The following KTN1 variants were observed in gnomAD, a reference collection of about 807,000 sequenced individuals.
KTN1 encodes the protein kinectin 1, also known as kinectin.
In KTN1, 130 loss-of-function variants were observed where a neutral mutation model predicts 222.5. That is an observed-to-expected ratio of 0.58 (90% CI 0.51 to 0.68). The LOEUF (loss-of-function observed/expected upper bound fraction) is 0.68, where lower values mean the gene tolerates loss of function less well. Among genes scored for constraint, KTN1 ranks in the 30% least tolerant of loss-of-function variants. The pLI is 0.00. For synonymous variants in KTN1, 512 were observed against 496.3 expected (o/e 1.03, Z -0.42); for missense variants, 1,508 against 1,500.4 (o/e 1.01, Z -0.08).
intron 33 of KTN1, 117 bp downstream of exon 33, chr14:55,664,158 A>G (rs2044446792): frequency 3.1e-6 from 2 of 650,760 alleles, no homozygotes; most frequent in Non-Finnish European, 5.2e-6. Flanking sequence ...CTCCTTATCC[A>G]TATTTATCAT....
In KTN1 at chr14:55,618,066, T is replaced by A; in HGVS notation, c.764T>A (p.Leu255His). 1 of 1,613,172 alleles carries A rather than the reference T, an allele frequency of 6.2e-7. No homozygotes were observed. Among genetic ancestry groups the A allele is most frequent in the Non-Finnish European group, 8.5e-7 (1 of 1,179,476 alleles). Residue 255 changes from leucine (L) to histidine (H), a missense_variant, in exon 4 of 44, where the codon CTT becomes CAT. By Grantham distance (99) the Leu-to-His change is moderately conservative. Transcript: ENST00000395314. Reference protein sequence around the residue: ...VVDKREVIDLLKPDQVEGIQK... With the variant: ...VVDKREVIDLHKPDQVEGIQK... ...GATAAGAGAGAGGTTATTGATTTGC[T>A]TAAACCTGACCAAGTAGAAGGGATC...
intron 6 of KTN1, among the ~76,000 whole-genome samples, chr14:55,628,596 C>G (rs1475884969): frequency 1.3e-5 from 2 of 152,088 alleles, no homozygotes; most frequent in African/African-American, 2.4e-5. Context: ...GTTTCTCTTT[C>G]TAGGGATTAA....
chr14:55,625,239 C>T (rs2039655196), intron 5 of KTN1, among the ~76,000 whole-genome samples: 1 of 149,784 alleles, frequency 6.7e-6, no homozygotes, highest in Non-Finnish European at 1.5e-5. Flanking sequence ...AATGCTAGTG[C>T]ATGTTAGGTG....
chr14:55,682,965 AT>A (rs1595365798), intron 43 of KTN1: 1 of 152,248 alleles, frequency 6.6e-6, no homozygotes, highest in East Asian at 1.9e-4. Flanking sequence ...TTACAGTAGT[AT>A]CCAGAAGAAA....
At chr14:55,657,544 CT>C in intron 29 of KTN1, among the ~76,000 whole-genome samples, 1 of 151,956 alleles carries the variant, frequency 6.6e-6, no homozygotes, top group East Asian at 1.9e-4. Flanking sequence ...AAATTTGAAA[CT>C]TTTATGTACT....
At chr14:55,659,724 A>G (rs1438069224) in intron 31 of KTN1, 21 bp downstream of exon 31, 10 of 1,374,736 alleles carry the variant, frequency 7.3e-6, no homozygotes, top group Non-Finnish European at 9.3e-6. Context: ...AGTTTGAGTC[A>G]CAGTTTATAA....
At chr14:55,589,768 C>T (rs1594701942) in intron 1 of KTN1, among the ~76,000 whole-genome samples, 2 of 146,978 alleles carry the variant, frequency 1.4e-5, no homozygotes, top group East Asian at 4.2e-4. Context: ...AAGTGATTCT[C>T]CTGCCTCAAC....
rs1279283853 is a variant in KTN1 at position 55,653,032 on chromosome 14, A to G, written c.2710A>G (p.Asn904Asp). The change falls in exon 27 of 44, where the codon AAT becomes GAT. Residue 904 changes from asparagine to aspartate, a missense_variant. Coordinates refer to ENST00000395314, the MANE Select transcript of KTN1 (RefSeq NM_001079521.2). ...TCTTTTTAAGGATCTTCAAGAAGAA[A>G]ATGAATCTTTAAAAGCACATGTTCA... Reference protein sequence around the residue: ...GKWLQDLQEENESLKAHVQEV... With the variant: ...GKWLQDLQEEDESLKAHVQEV... 1.2e-6 allele frequency: 2 copies of G among 1,605,754 alleles called. No individual in the cohort carries two copies. The highest frequency in any genetic ancestry group is 1.7e-6 in the Non-Finnish European group (2 of 1,172,884).
intron 1 of KTN1, among the ~76,000 whole-genome samples, chr14:55,590,688 T>C (rs576216939): frequency 3.7e-4 from 57 of 152,104 alleles, no homozygotes; most frequent in African/African-American, 1.3e-3. Flanking sequence ...TCTTTTTTTT[T>C]TTTTTGAGAT....
chr14:55,652,658 C>A (rs1056648822), intron 25 of KTN1, among the ~76,000 whole-genome samples, 192 bp from the exon 26 acceptor site: 2 of 152,202 alleles, frequency 1.3e-5, no homozygotes, highest in Non-Finnish European at 2.9e-5. Context: ...CTTGGCCTCC[C>A]AAAGTGTTGG....
intron 22 of KTN1, 45 bp downstream of exon 22, chr14:55,649,858 A>ATT: frequency 1.9e-5 from 19 of 1,001,348 alleles, no homozygotes; most frequent in South Asian, 6.2e-5. Flanking sequence ...TCTTTGGTCC[A>ATT]TTTTTTTTTT....
intron 41 of KTN1, among the ~76,000 whole-genome samples, chr14:55,677,256 A>C (rs892029587): frequency 5.3e-5 from 8 of 152,112 alleles, no homozygotes; most frequent in African/African-American, 1.9e-4. Flanking sequence ...TGGGCGGATC[A>C]CCTGAGGTCA....
rs1404863637 is a variant in KTN1 at position 55,648,734 on chromosome 14, T to C, written c.2299-68T>C. On this transcript the variant is annotated intron_variant, in intron 20 of 43. Coordinates refer to ENST00000395314, the MANE Select transcript of KTN1 (RefSeq NM_001079521.2). Reference sequence around the variant, plus strand: ...AGCAGCTAAAGAAATGAGAAACTAATGTATTTTGAAGCTAGCTATATTTTT... The same window carrying C: ...AGCAGCTAAAGAAATGAGAAACTAACGTATTTTGAAGCTAGCTATATTTTT... The C allele has an allele frequency of 7.0e-6, 7 of 1,003,926 alleles. No individual in the cohort carries two copies. The African/African-American group carries it at 1.1e-4, about 16-fold the overall frequency. 62.2% of individuals were successfully genotyped at this position (1,003,926 alleles called of 1,614,324 possible). A position where few individuals can be genotyped will look rare whatever the true frequency, so the allele number is the denominator to read the frequency against.
intron 20 of KTN1, among the ~76,000 whole-genome samples, chr14:55,648,450 T>C (rs996336148): frequency 6.6e-5 from 10 of 152,218 alleles, no homozygotes; most frequent in Admixed American, 3.9e-4. Flanking sequence ...TGTCATTAGC[T>C]TTACCTAACT....
In KTN1 at chr14:55,631,101, A is replaced by AT. The variant is rs1008737115; in HGVS notation, c.1221+1014dup. Among the ~76,000 whole-genome samples the AT allele has an allele frequency of 1.1e-3, 155 of 147,610 alleles. 1 individual carries two copies. The East Asian group carries it at 0.011, about 10-fold the overall frequency. ...ATTCTAGTTAGGACTAGACCAGTGA[A>AT]TTTTTTTTTTCTTATTTTTGAAAAG... On this transcript the variant is annotated intron_variant, in intron 7 of 43. Transcript: ENST00000395314.
intron 35 of KTN1, 75 bp from the exon 36 acceptor site, chr14:55,671,491 A>T: frequency 1.0e-6 from 1 of 984,030 alleles, no homozygotes; most frequent in Non-Finnish European, 1.6e-6. Flanking sequence ...ATACAGTATT[A>T]AGTACTAAAA....
chr14:55,675,726 GTA>G (rs1232025444), intron 40 of KTN1, 107 bp from the exon 41 acceptor site: 13 of 698,774 alleles, frequency 1.9e-5, no homozygotes, highest in Non-Finnish European at 3.0e-5. Flanking sequence ...CTAATCCACT[GTA>G]CATAATAACT....
chr14:55,632,571 G>C (rs1348951657), intron 7 of KTN1, among the ~76,000 whole-genome samples: 3 of 143,866 alleles, frequency 2.1e-5, no homozygotes, highest in African/African-American at 7.7e-5. Flanking sequence ...GGTGTAGAAG[G>C]TGTTTTACAC....
chr14:55,629,202 G>A (rs2040215450), intron 6 of KTN1, among the ~76,000 whole-genome samples: 1 of 152,026 alleles, frequency 6.6e-6, no homozygotes, highest in South Asian at 2.1e-4. Context: ...GAATCATGAG[G>A]TCAGGAGATC....
Sources: allele counts gnomAD v4.1 joint callset (sites outside exome capture counted in the v4.1 genomes callset), GRCh38; gene constraint gnomAD v4.1.1; transcripts MANE v1.5; gene names NCBI Gene and HGNC (gene_info 2026-07-23, HGNC 2026-07-21).